The following BIK variants were observed in gnomAD, a reference collection of about 807,000 sequenced individuals.
The protein encoded by BIK is BCL2 interacting killer, also known as bcl-2-interacting killer.
BIK carries 14 observed loss-of-function variants against 12.1 expected under a neutral mutation model. The ratio of observed to expected loss-of-function variants is 1.16; its 90% CI spans 0.77 to 1.81. The LOEUF is 1.81. BIK is among the 40% of genes most tolerant of loss of function. The probability of loss-of-function intolerance (pLI) is 0.00; values close to 1 mark genes in which losing one functional copy is unlikely to be tolerated. For synonymous variants in BIK, 86 were observed against 92.3 expected, an observed-to-expected ratio of 0.93 and a Z score of 0.39; for missense variants, 215 against 207.9, an observed-to-expected ratio of 1.03 and a Z score of -0.21.
At chr22:43,118,041 C>A (rs1930152037) in intron 1 of BIK, among the ~76,000 whole-genome samples, 1 of 152,076 alleles carries the variant, frequency 6.6e-6, no homozygotes, top group African/African-American at 2.4e-5. Context: ...TTGTATTGCC[C>A]AGGCTGGTCT....
At chr22:43,121,566 C>T (rs1431515988) in intron 1 of BIK, among the ~76,000 whole-genome samples, 2 of 152,148 alleles carry the variant, frequency 1.3e-5, no homozygotes, top group African/African-American at 4.8e-5. Context: ...TGAGGTTCCA[C>T]TGTTGCTCTG....
chr22:43,128,265 G>A (rs879364975), intron 3 of BIK, among the ~76,000 whole-genome samples: 2 of 152,074 alleles, frequency 1.3e-5, no homozygotes, highest in Non-Finnish European at 2.9e-5. Flanking sequence ...GTGGGCTGGC[G>A]GGCGGCTGGC....
At chr22:43,114,945 G>A (rs1323100386) in intron 1 of BIK, among the ~76,000 whole-genome samples, 5 of 152,198 alleles carry the variant, frequency 3.3e-5, no homozygotes, top group African/African-American at 9.7e-5. Flanking sequence ...TCCCAGCCAG[G>A]AACAGCCTGC....
Position 43,112,055 on chromosome 22 carries a change from G to A in BIK, c.-8+1252G>A, listed in dbSNP as rs138002517. On this transcript the variant is annotated intron_variant, in intron 1 of 4. Coordinates refer to ENST00000216115, the MANE Select transcript of BIK (RefSeq NM_001197.5). ...GTTTGTTCTGTTCACTCTGCAAAAT[G>A]TATCCCTGAGGTTTCTGGCCAGGTG... is the stretch of plus-strand genomic sequence containing the variant. 2.2e-3 allele frequency among the ~76,000 whole-genome samples: 333 copies of A among 152,300 alleles called. 3 individuals are homozygous for A. Among genetic ancestry groups the A allele is most frequent in the Non-Finnish European group, 3.1e-4 (21 of 68,026 alleles).
At chr22:43,128,800 C>G (rs1930376107) in intron 4 of BIK, among the ~76,000 whole-genome samples, 175 bp downstream of exon 4, 1 of 152,218 alleles carries the variant, frequency 6.6e-6, no homozygotes. Flanking sequence ...TCTGAGTGCA[C>G]AAACCAGTGC....
At chr22:43,117,230 G>A (rs189068245) in intron 1 of BIK, among the ~76,000 whole-genome samples, 41 of 152,188 alleles carry the variant, frequency 2.7e-4, no homozygotes, top group African/African-American at 8.9e-4. Flanking sequence ...ATCAGAACAC[G>A]CTGAGCACAT....
Position 43,129,374 on chromosome 22 carries a change from G to A in BIK, c.*69G>A. 1 of 1,526,610 alleles carries A rather than the reference G, an allele frequency of 6.6e-7. No individual in the cohort carries two copies. The highest frequency in any genetic ancestry group is 8.7e-7 in the Non-Finnish European group (1 of 1,147,820). 94.6% of individuals were successfully genotyped at this position (1,526,610 alleles called of 1,614,324 possible). On this transcript the variant is annotated 3_prime_UTR_variant, in exon 5 of 5. Transcript: ENST00000216115. ...ACTGCCCTGGAGGTGGCGGCCTGCT[G>A]CTGTTATCTTTTTAACTGTTTTCTC...
chr22:43,115,186 A>AT (rs755827202), intron 1 of BIK, among the ~76,000 whole-genome samples: 5 of 152,296 alleles, frequency 3.3e-5, no homozygotes, highest in Non-Finnish European at 1.5e-5. Flanking sequence ...GACAACACAG[A>AT]TGAGGAGCAT....
At chr22:43,116,053 G>A (rs974128025) in intron 1 of BIK, among the ~76,000 whole-genome samples, 3 of 152,134 alleles carry the variant, frequency 2.0e-5, no homozygotes, top group Non-Finnish European at 4.4e-5. Flanking sequence ...ACCGCGCCCC[G>A]GCCCAGAACT....
At position 43,129,370 on chromosome 22, in the gene BIK, T is replaced by C; in HGVS notation, c.*65T>C. 1 of 1,537,032 alleles carries C rather than the reference T, an allele frequency of 6.5e-7. No homozygotes were observed. The highest frequency in any genetic ancestry group is 8.7e-7 in the Non-Finnish European group (1 of 1,153,072). On this transcript the variant is annotated 3_prime_UTR_variant, in exon 5 of 5. Coordinates refer to ENST00000216115, the MANE Select transcript of BIK (RefSeq NM_001197.5). ...GACCACTGCCCTGGAGGTGGCGGCCTGCTGCTGTTATCTTTTTAACTGTTT... is the reference window on the plus strand; with the variant it reads ...GACCACTGCCCTGGAGGTGGCGGCCCGCTGCTGTTATCTTTTTAACTGTTT...
chr22:43,129,144 C>T lies in BIK; in HGVS notation c.391-69C>T, dbSNP rs535293074. ...CCTCCTGGGCTTCCCCTTGGCACTC[C>T]GCTGTCACCCGTCTGGCCCCATTGC... On this transcript the variant is annotated intron_variant, in intron 4 of 4. Coordinates refer to ENST00000216115, the MANE Select transcript of BIK (RefSeq NM_001197.5). The T allele has an allele frequency of 1.4e-4, 217 of 1,598,424 alleles. No individual in the cohort carries two copies. The African/African-American group carries it at 2.4e-3, about 18-fold the overall frequency.
In BIK at chr22:43,129,546, G is replaced by A; in HGVS notation, c.*241G>A. 1 of 660,818 alleles carries A rather than the reference G, an allele frequency of 1.5e-6. No homozygotes were observed. The highest frequency in any genetic ancestry group is 2.4e-6 in the Non-Finnish European group (1 of 411,436). The allele number at this position is 660,818 out of a possible 1,614,324, so 40.9% of individuals were successfully genotyped here. ...GCTCTGCAATTGTCACCGGTTAACT[G>A]TGGCCTGTGCCCAGGAAGAGCCATT... On this transcript the variant is annotated 3_prime_UTR_variant, in exon 5 of 5. Coordinates refer to ENST00000216115, the MANE Select transcript of BIK (RefSeq NM_001197.5).
At position 43,127,706 on chromosome 22, in the gene BIK, G is replaced by A. The variant is rs1213747799; in HGVS notation, c.171G>A (p.Leu57=). The change falls in exon 3 of 5, where the codon TTG becomes TTA. Residue 57 remains leucine, a synonymous_variant. Coordinates refer to ENST00000216115, the MANE Select transcript of BIK (RefSeq NM_001197.5). ...SLECMEGSDA[L]ALRLACIGDE... The stretch of plus-strand genomic sequence containing the variant: ...TGTGTGCTCCCTGCAGTGACGCATT[G>A]GCCCTGCGGCTGGCCTGCATCGGGG... The A allele has an allele frequency of 2.6e-6, 4 of 1,554,610 alleles. No homozygotes were observed. In the East Asian group the frequency reaches 7.3e-5, roughly 28 times the overall value.
chr22:43,127,383 AC>A (rs898404201), intron 2 of BIK, among the ~76,000 whole-genome samples: 2 of 151,874 alleles, frequency 1.3e-5, no homozygotes, highest in Admixed American at 6.6e-5. Context: ...GGGGCTCAGC[AC>A]CCCCAGACCT....
intron 1 of BIK, among the ~76,000 whole-genome samples, chr22:43,113,534 G>A (rs1052915373): frequency 2.0e-5 from 3 of 151,856 alleles, no homozygotes; most frequent in African/African-American, 4.8e-5. Context: ...CTGGGCTAAC[G>A]TGAGACTCCA....
At chr22:43,129,173 G>A (rs746261596) in intron 4 of BIK, 40 bp from the exon 5 acceptor site, 1 of 1,600,940 alleles carries the variant, frequency 6.2e-7, no homozygotes, top group South Asian at 1.1e-5. Context: ...CCATTGCCGG[G>A]GCCTGCCCCG....
At chr22:43,127,208 G>C (rs2147025777) in intron 2 of BIK, among the ~76,000 whole-genome samples, 1 of 152,180 alleles carries the variant, frequency 6.6e-6, no homozygotes, top group South Asian at 2.1e-4. Context: ...CAGCAGGGCT[G>C]GTTTCAGGAT....
rs150558820 is a variant in BIK, at chr22:43,127,759, C to G, written c.224C>G (p.Pro75Arg). 5 of 1,553,246 alleles carry G rather than the reference C, an allele frequency of 3.2e-6. No individual in the cohort carries two copies. Among genetic ancestry groups the G allele is most frequent in the Middle Eastern group, 1.7e-4 (1 of 5,974 alleles). ...GDEMDVSLRA[P>R]RLAQLSEVAM... ...GAGATGGACGTGAGCCTCAGGGCCC[C>G]GCGCCTGGCCCAGCTCTCCGAGGTG... Residue 75 changes from proline to arginine, a missense_variant, in exon 3 of 5, where the codon CCG (proline) becomes CGG (arginine). Physicochemically the swap from Pro to Arg is moderately radical, Grantham distance 103. Transcript: ENST00000216115.
At chr22:43,121,638 G>A (rs182938186) in intron 1 of BIK, among the ~76,000 whole-genome samples, 139 of 152,180 alleles carry the variant, frequency 9.1e-4, no homozygotes, top group Non-Finnish European at 1.1e-3. Context: ...CTGCCTTTTC[G>A]AGGGGAAGGG....
Sources: allele counts gnomAD v4.1 joint callset (sites outside exome capture counted in the v4.1 genomes callset), GRCh38; gene constraint gnomAD v4.1.1; transcripts MANE v1.5; gene names NCBI Gene and HGNC (gene_info 2026-07-23, HGNC 2026-07-21).